The following CSMD1 variants were observed in gnomAD, a reference collection of about 807,000 sequenced individuals.
CSMD1 encodes CUB and Sushi multiple domains 1, also known as CUB and sushi domain-containing protein 1.
Under a neutral mutation model 417.5 loss-of-function variants are expected in CSMD1, and 213 were observed. The observed-to-expected ratio is 0.51, with a 90% CI of 0.46 to 0.57. The LOEUF is 0.57. Ranked by LOEUF, CSMD1 falls within the 20% of genes least tolerant of loss-of-function variation. The pLI is 0.00. For missense variants in CSMD1, 6,923 were observed against 4,529.7 expected, an observed-to-expected ratio of 1.53 and a Z score of -15.17; for synonymous variants, 2,862 against 1,736.8, an observed-to-expected ratio of 1.65 and a Z score of -16.11.
intron 23 of CSMD1, among the ~76,000 whole-genome samples, chr8:3,338,971 G>A (rs1363880172): frequency 2.1e-5 from 3 of 144,896 alleles, no homozygotes; most frequent in Admixed American, 2.1e-4. Flanking sequence ...ATCTCCCGAT[G>A]CTCTCCCTCC....
At chr8:3,052,228 T>C (rs546042625) in intron 50 of CSMD1, among the ~76,000 whole-genome samples, 2 of 152,330 alleles carry the variant, frequency 1.3e-5, no homozygotes, top group African/African-American at 4.8e-5. Flanking sequence ...TTACATCGTG[T>C]CTATACTGTC....
chr8:4,259,071 C>A (rs565901993), intron 3 of CSMD1, among the ~76,000 whole-genome samples: 1 of 152,082 alleles, frequency 6.6e-6, no homozygotes, highest in Non-Finnish European at 1.5e-5. Context: ...TGAGTTTGAA[C>A]GCTGATGATT....
intron 3 of CSMD1, among the ~76,000 whole-genome samples, chr8:4,041,177 C>G (rs533211315): frequency 5.9e-5 from 9 of 151,750 alleles, no homozygotes; most frequent in Non-Finnish European, 1.3e-4. Context: ...CCACCACGCC[C>G]GGCTAATTTT....
At chr8:3,538,904 A>G (rs1171819433) in intron 10 of CSMD1, among the ~76,000 whole-genome samples, 2 of 152,048 alleles carry the variant, frequency 1.3e-5, no homozygotes, top group African/African-American at 4.8e-5. Context: ...TCACCTACAC[A>G]CCATGCTGCA....
At chr8:3,264,924 C>G (rs551102795) in intron 26 of CSMD1, among the ~76,000 whole-genome samples, 2 of 151,958 alleles carry the variant, frequency 1.3e-5, no homozygotes, top group Non-Finnish European at 2.9e-5. Flanking sequence ...TTGCTAACAT[C>G]GGTATAGCTT....
chr8:3,372,898 G>A (rs945908997), intron 18 of CSMD1, among the ~76,000 whole-genome samples: 23 of 152,164 alleles, frequency 1.5e-4, no homozygotes, highest in African/African-American at 3.1e-4. Flanking sequence ...AGCGCACCGC[G>A]TAGTGGGAAG....
Position 4,544,052 on chromosome 8 carries a change from A to G in CSMD1, c.302+93290T>C, listed in dbSNP as rs186741312. ...CCTTTATCAGAAATCCGTTTTTGCA[A>G]TTACTTTTCCCAGTCTGTGGCTTGC... is the stretch of plus-strand genomic sequence containing the variant. On this transcript the variant is annotated intron_variant, in intron 2 of 69. Coordinates refer to ENST00000635120, the MANE Select transcript of CSMD1 (RefSeq NM_033225.6). Among the ~76,000 whole-genome samples, 172 of 152,272 alleles carry G rather than the reference A, an allele frequency of 1.1e-3. 1 individual carries two copies. The highest frequency in any genetic ancestry group is 4.0e-3 in the African/African-American group (165 of 41,564).
chr8:4,453,697 G>A (rs1052460023), intron 2 of CSMD1, among the ~76,000 whole-genome samples: 1 of 151,944 alleles, frequency 6.6e-6, no homozygotes, highest in Non-Finnish European at 1.5e-5. Context: ...ATGCCTGCTT[G>A]GGTATGCACA....
rs187511061 is a variant in CSMD1, at chr8:3,643,685, C to T, written c.1010-26888G>A. Reference sequence around the variant, plus strand: ...CACTGCACCCCAGCCTGGGCGACAGCGTGAGACTCCGTCTCAAAAAAAAAA... The same window carrying T: ...CACTGCACCCCAGCCTGGGCGACAGTGTGAGACTCCGTCTCAAAAAAAAAA... On this transcript the variant is annotated intron_variant, in intron 7 of 69. Coordinates refer to ENST00000635120, the MANE Select transcript of CSMD1 (RefSeq NM_033225.6). 6.8e-3 allele frequency among the ~76,000 whole-genome samples: 798 copies of T among 117,658 alleles called. 8 individuals are homozygous for T. Among genetic ancestry groups the T allele is most frequent in the South Asian group, 0.011 (39 of 3,586 alleles). 77.2% of individuals were successfully genotyped at this position (117,658 alleles called of 152,430 possible). A position where few individuals can be genotyped will look rare whatever the true frequency, so the allele number is the denominator to read the frequency against.
intron 28 of CSMD1, among the ~76,000 whole-genome samples, chr8:3,220,928 G>A (rs1003561842): frequency 2.6e-5 from 4 of 152,112 alleles, no homozygotes; most frequent in Admixed American, 6.5e-5. Flanking sequence ...TTTCATATGT[G>A]TCTTTAAAAA....
intron 7 of CSMD1, among the ~76,000 whole-genome samples, chr8:3,648,250 C>T (rs1450327157): frequency 6.6e-6 from 1 of 152,176 alleles, no homozygotes; most frequent in African/African-American, 2.4e-5. Context: ...TTGCTATTCC[C>T]CAAATTATTT....
chr8:4,669,928 T>G (rs1158663915), intron 1 of CSMD1, among the ~76,000 whole-genome samples: 1 of 152,124 alleles, frequency 6.6e-6, no homozygotes, highest in Non-Finnish European at 1.5e-5. Flanking sequence ...ACTCCTTTAT[T>G]TTTGAAAGTC....
chr8:4,161,940 A>C (rs17405197), intron 3 of CSMD1, among the ~76,000 whole-genome samples: 12,586 of 152,242 alleles, frequency 0.083, 592 homozygotes, highest in Middle Eastern at 0.17. Context: ...AATATTCAGT[A>C]AGTATAGTAC....
chr8:3,675,376 G>C (rs976883009), intron 7 of CSMD1, among the ~76,000 whole-genome samples: 1 of 152,186 alleles, frequency 6.6e-6, no homozygotes, highest in Non-Finnish European at 1.5e-5. Flanking sequence ...CCTCAGCAAT[G>C]TGGGCTTGGA....
At chr8:4,507,661 C>G (rs539596709) in intron 2 of CSMD1, among the ~76,000 whole-genome samples, 55 of 152,206 alleles carry the variant, frequency 3.6e-4, no homozygotes, top group African/African-American at 1.0e-3. Flanking sequence ...TGGGAGATAT[C>G]TGAGCAAGGC....
At chr8:2,981,118 C>T (rs966625526) in intron 54 of CSMD1, among the ~76,000 whole-genome samples, 2 of 152,138 alleles carry the variant, frequency 1.3e-5, no homozygotes, top group Non-Finnish European at 2.9e-5. Context: ...GGAGGAAAAA[C>T]AGGGCAGGAA....
At chr8:3,431,662 C>A (rs980062531) in intron 12 of CSMD1, among the ~76,000 whole-genome samples, 1 of 152,166 alleles carries the variant, frequency 6.6e-6, no homozygotes, top group Non-Finnish European at 1.5e-5. Context: ...GTTCTCCCTT[C>A]ATGTTTCCGG....
At chr8:3,533,739 C>G (rs1798074489) in intron 10 of CSMD1, among the ~76,000 whole-genome samples, 1 of 152,192 alleles carries the variant, frequency 6.6e-6, no homozygotes, top group Non-Finnish European at 1.5e-5. Flanking sequence ...GTACTAAGCT[C>G]CAAGGTGCTT....
chr8:3,586,873 C>T (rs776453595), intron 8 of CSMD1, among the ~76,000 whole-genome samples: 12 of 152,314 alleles, frequency 7.9e-5, no homozygotes, highest in Non-Finnish European at 1.8e-4. Flanking sequence ...GACCTTGGCT[C>T]ACTGCAACCT....
Sources: allele counts gnomAD v4.1 joint callset (sites outside exome capture counted in the v4.1 genomes callset), GRCh38; gene constraint gnomAD v4.1.1; transcripts MANE v1.5; gene names NCBI Gene and HGNC (gene_info 2026-07-23, HGNC 2026-07-21).